CAMSAP2: variants seen among roughly 807,000 people sequenced by gnomAD.
CAMSAP2 encodes the protein calmodulin-regulated spectrin-associated protein 2.
CAMSAP2 carries 26 observed loss-of-function variants against 146.1 expected under a neutral mutation model. The ratio of observed to expected loss-of-function variants is 0.18; its 90% confidence interval spans 0.13 to 0.25. The LOEUF (loss-of-function observed/expected upper bound fraction) is 0.25, where lower values mean the gene tolerates loss of function less well. Ranked by LOEUF, CAMSAP2 falls within the 10% of genes least tolerant of loss-of-function variation. The pLI, the probability that CAMSAP2 is intolerant of heterozygous loss-of-function variation, is 1.00. For missense variants in CAMSAP2, 1,381 were observed against 1,759.3 expected, an observed-to-expected ratio of 0.78 and a Z score of 3.85; for synonymous variants, 499 against 596.6, an observed-to-expected ratio of 0.84 and a Z score of 2.38.
intron 2 of CAMSAP2, among the ~76,000 whole-genome samples, chr1:200,802,995 A>G (rs2102132183): frequency 6.6e-6 from 1 of 152,274 alleles, no homozygotes; most frequent in East Asian, 1.9e-4. Flanking sequence ...CTTTTCATTG[A>G]AATGCCAAGT....
intron 1 of CAMSAP2, among the ~76,000 whole-genome samples, chr1:200,740,880 A>G (rs771048820): frequency 5.9e-5 from 9 of 152,224 alleles, no homozygotes; most frequent in Non-Finnish European, 1.3e-4. Context: ...ATGCTTCTGT[A>G]ATTTGGTAAC....
intron 4 of CAMSAP2, among the ~76,000 whole-genome samples, chr1:200,831,169 G>A (rs1027295743): frequency 1.8e-4 from 27 of 152,188 alleles, no homozygotes; most frequent in South Asian, 2.1e-4. Context: ...TATTTTGCTA[G>A]CAAAATACTT....
chr1:200,767,800 T>C (rs780947807), intron 2 of CAMSAP2, among the ~76,000 whole-genome samples: 17 of 152,204 alleles, frequency 1.1e-4, no homozygotes, highest in Non-Finnish European at 2.4e-4. Flanking sequence ...AACTCAATTT[T>C]CTGTTTACTA....
intron 2 of CAMSAP2, among the ~76,000 whole-genome samples, chr1:200,796,892 A>C (rs974423841): frequency 6.6e-6 from 1 of 151,706 alleles, no homozygotes; most frequent in African/African-American, 2.4e-5. Context: ...TCATTGTTCA[A>C]TTCCCACCTA....
At chr1:200,839,946 AC>A (rs1667275069) in intron 6 of CAMSAP2, among the ~76,000 whole-genome samples, 2 of 152,224 alleles carry the variant, frequency 1.3e-5, no homozygotes, top group Non-Finnish European at 2.9e-5. Context: ...CATTCTTATT[AC>A]TTTTTTTAGT....
At chr1:200,757,170 G>C (rs993660258) in intron 1 of CAMSAP2, among the ~76,000 whole-genome samples, 3 of 152,134 alleles carry the variant, frequency 2.0e-5, no homozygotes, top group African/African-American at 7.2e-5. Context: ...GCATTCCTAT[G>C]ATTTAGTGTG....
In CAMSAP2 at chr1:200,822,117, CCTCTCT is replaced by C. The variant is rs147240246; in HGVS notation, c.645+6485_645+6490del. ...AAAATTTCCTTTATCATTCTGTCTCCCTCTCTCTCTCTCTCTCGCTCTACACACACA... is the reference window on the plus strand; with the variant it reads ...AAAATTTCCTTTATCATTCTGTCTCCCTCTCTCTCTCGCTCTACACACACA... On this transcript the variant is annotated intron_variant, in intron 4 of 16. Coordinates refer to ENST00000358823, the MANE Select transcript of CAMSAP2 (RefSeq NM_203459.4). 3.1e-3 allele frequency among the ~76,000 whole-genome samples: 415 copies of C among 134,658 alleles called. 2 individuals carry two copies. Among genetic ancestry groups the C allele is most frequent in the African/African-American group, 0.01 (368 of 36,232 alleles). 88.3% of individuals were successfully genotyped at this position (134,658 alleles called of 152,430 possible).
rs1273035355 is a variant in CAMSAP2 at position 200,761,057 on chromosome 1, T to C, written c.358T>C (p.Leu120=). 3 of 1,612,276 alleles carry C rather than the reference T, an allele frequency of 1.9e-6. No individual in the cohort carries two copies. The highest frequency in any genetic ancestry group is 1.1e-5 in the South Asian group (1 of 90,938). ...KGLYVTDQEK[L]VTERDLHKKP... ...TCTTTATGTCACTGACCAGGAAAAA[T>C]TGGTAACTGAACGAGATCTCCACAA... The change falls in exon 2 of 17, where the codon TTG becomes CTG. Residue 120 remains leucine (L), a synonymous_variant. Transcript: ENST00000358823.
At chr1:200,788,723 C>T (rs1332667363) in intron 2 of CAMSAP2, among the ~76,000 whole-genome samples, 1 of 150,982 alleles carries the variant, frequency 6.6e-6, no homozygotes, top group Non-Finnish European at 1.5e-5. Flanking sequence ...CTCATTGCAA[C>T]CTCCGCCTCC....
At chr1:200,851,647 G>T (rs1211867689) in intron 11 of CAMSAP2, among the ~76,000 whole-genome samples, 2 of 152,004 alleles carry the variant, frequency 1.3e-5, no homozygotes, top group African/African-American at 4.8e-5. Context: ...TCTCTCTCTG[G>T]GTTTCCATAC....
chr1:200,849,003 T>C lies in CAMSAP2; in HGVS notation c.2234T>C (p.Leu745Pro). The C allele has an allele frequency of 2.5e-6, 4 of 1,614,142 alleles. No individual in the cohort carries two copies. Among genetic ancestry groups the C allele is most frequent in the Non-Finnish European group, 3.4e-6 (4 of 1,180,010 alleles). ...GLPQGRDTTQLLASEMVHLRM... is the reference protein window; with the variant it reads ...GLPQGRDTTQPLASEMVHLRM... ...CCACAGGGACGGGACACTACCCAGC[T>C]GTTGGCCTCTGAAATGGTGCATCTT... The change falls in exon 11 of 17, where the codon CTG becomes CCG. Residue 745 changes from leucine (L) to proline (P), a missense_variant. Around this residue, in one of 4 missense-constraint regions of CAMSAP2, gnomAD observed 560 missense variants for 715.9 expected, o/e 0.78. Transcript: ENST00000358823. The surrounding 1 kb of genome is among the most constrained non-coding windows in gnomAD (Gnocchi z 6.3).
At chr1:200,822,409 C>A (rs1666798030) in intron 4 of CAMSAP2, among the ~76,000 whole-genome samples, 1 of 151,996 alleles carries the variant, frequency 6.6e-6, no homozygotes, top group Non-Finnish European at 1.5e-5. Context: ...CTTTTCTTTT[C>A]TTTGTGGCCT....
chr1:200,750,523 TTTA>T (rs1172099923), intron 1 of CAMSAP2, among the ~76,000 whole-genome samples: 5 of 152,162 alleles, frequency 3.3e-5, no homozygotes, highest in Non-Finnish European at 7.4e-5. Context: ...TCCCATTTGT[TTTA>T]TTATTCTGTC....
At chr1:200,843,874 G>A (rs1330351368) in intron 7 of CAMSAP2, among the ~76,000 whole-genome samples, 2 of 150,274 alleles carry the variant, frequency 1.3e-5, no homozygotes, top group Non-Finnish European at 3.0e-5. Flanking sequence ...GTTTTGTTTT[G>A]TTTTGTTTTG....
chr1:200,792,186 G>A (rs945681953), intron 2 of CAMSAP2, among the ~76,000 whole-genome samples: 1 of 152,032 alleles, frequency 6.6e-6, no homozygotes, highest in Non-Finnish European at 1.5e-5. Flanking sequence ...AGATAGTTTT[G>A]TTGAATGTTC....
chr1:200,815,833 G>C (rs1252246089), intron 4 of CAMSAP2, among the ~76,000 whole-genome samples, 189 bp downstream of exon 4: 1 of 152,192 alleles, frequency 6.6e-6, no homozygotes, highest in African/African-American at 2.4e-5. Context: ...GGATGATGGT[G>C]TTTGTAAAAA....
In CAMSAP2 at chr1:200,848,187, C is replaced by G; in HGVS notation, c.1418C>G (p.Ser473Cys). 1.9e-6 allele frequency: 3 copies of G among 1,613,750 alleles called. No homozygotes were observed. The highest frequency in any genetic ancestry group is 2.5e-6 in the Non-Finnish European group (3 of 1,179,826). The change falls in exon 11 of 17, where the codon TCC becomes TGC. Residue 473 changes from serine (S) to cysteine (C), a missense_variant. Physicochemically the swap from Ser to Cys is moderately radical, Grantham distance 112. This residue lies in a region of CAMSAP2 where 447 missense variants were observed against 462.2 expected (regional missense o/e 0.97). Coordinates refer to ENST00000358823, the MANE Select transcript of CAMSAP2 (RefSeq NM_203459.4). The stretch of plus-strand genomic sequence containing the variant: ...TCTAAACACATTAGGAAAAATTTGT[C>G]CTTCAAGCCAATAAATGGAGAAGAG... ...HVSKHIRKNL[S>C]FKPINGEEEA...
chr1:200,803,286 G>A (rs1183423431), intron 2 of CAMSAP2, among the ~76,000 whole-genome samples: 4 of 152,188 alleles, frequency 2.6e-5, no homozygotes, highest in African/African-American at 9.7e-5. Flanking sequence ...AATAGGTAGA[G>A]TAATAGTGCT....
In CAMSAP2 at chr1:200,774,034, A is replaced by G. The variant is rs543749301; in HGVS notation, c.399+12936A>G. Among the ~76,000 whole-genome samples, 6 of 152,334 alleles carry G rather than the reference A, an allele frequency of 3.9e-5. No individual in the cohort carries two copies. The East Asian group carries it at 9.6e-4, about 24-fold the overall frequency. On this transcript the variant is annotated intron_variant, in intron 2 of 16. Transcript: ENST00000358823. ...ATTTTTCTGATTTGCAGAATACAGT[A>G]TAGTGCTATAGAACAGTGGACAGTC...
Sources: gnomAD v4.1 joint callset for allele counts (sites outside exome capture counted in the v4.1 genomes callset) on GRCh38, gnomAD v4.1.1 for gene constraint, gnomAD v4.1.1 regional missense constraint, Gnocchi (gnomAD v3.1) non-coding constraint, MANE v1.5 for transcripts, NCBI Gene and HGNC (gene_info 2026-07-23, HGNC 2026-07-21) for gene names.